Variants in EYS observed in about 807,000 individuals in gnomAD.
EYS encodes the protein EGF-like photoreceptor maintenance factor, also known as protein eyes shut homolog.
A neutral mutation model predicts 282.1 loss-of-function variants in EYS; 250 were observed. The ratio of observed to expected loss-of-function variants is 0.89; its 90% CI spans 0.80 to 0.98. The LOEUF (loss-of-function observed/expected upper bound fraction) is 0.98. Among genes scored for constraint, EYS ranks in the 50% least tolerant of loss-of-function variants. The pLI, the probability that EYS is intolerant of heterozygous loss-of-function variation, is 0.00. For missense variants in EYS, 4,016 were observed against 3,709.0 expected, an observed-to-expected ratio of 1.08 and a Z score of -2.15; for synonymous variants, 1,355 against 1,282.9, an observed-to-expected ratio of 1.06 and a Z score of -1.20.
intron 26 of EYS, among the ~76,000 whole-genome samples, chr6:64,547,069 T>C (rs1475430078): frequency 6.6e-6 from 1 of 152,158 alleles, no homozygotes; most frequent in Admixed American, 6.5e-5. Flanking sequence ...ATTTCTTCCT[T>C]CTGGTGGGTT....
At chr6:65,640,232 C>T (rs1691639678) in intron 1 of EYS, among the ~76,000 whole-genome samples, 1 of 152,052 alleles carries the variant, frequency 6.6e-6, no homozygotes. Context: ...AACCTATGAA[C>T]CCAAATGCCA....
intron 19 of EYS, among the ~76,000 whole-genome samples, chr6:64,875,698 G>T (rs1766728654): frequency 6.6e-6 from 1 of 151,970 alleles, no homozygotes; most frequent in Non-Finnish European, 1.5e-5. Context: ...ATAATTTTTG[G>T]TACCACTGGT....
intron 2 of EYS, among the ~76,000 whole-genome samples, chr6:65,519,318 G>A (rs924205834): frequency 1.3e-5 from 2 of 151,522 alleles, no homozygotes; most frequent in Admixed American, 6.6e-5. Context: ...GGCGGTGGTG[G>A]TGGCAAATTA....
At chr6:65,072,211 T>C (rs919615036) in intron 12 of EYS, among the ~76,000 whole-genome samples, 25 of 151,678 alleles carry the variant, frequency 1.6e-4, no homozygotes, top group African/African-American at 5.1e-4. Flanking sequence ...GGGCTACATA[T>C]TGGGGAGAAA....
intron 2 of EYS, among the ~76,000 whole-genome samples, chr6:65,520,646 A>C (rs1767331311): frequency 6.6e-6 from 1 of 151,896 alleles, no homozygotes; most frequent in African/African-American, 2.4e-5. Context: ...ATATACATAT[A>C]TCAGAGGAAT....
chr6:63,847,504 C>T (rs932226627), intron 36 of EYS, among the ~76,000 whole-genome samples: 3 of 152,072 alleles, frequency 2.0e-5, no homozygotes, highest in Admixed American at 2.0e-4. Context: ...TAATGATAGA[C>T]ATCTGAGAAG....
intron 29 of EYS, among the ~76,000 whole-genome samples, chr6:64,339,979 T>C (rs1771033459): frequency 6.6e-6 from 1 of 151,520 alleles, no homozygotes; most frequent in Non-Finnish European, 1.5e-5. Context: ...TCCACCAAAA[T>C]CTCACAAATC....
chr6:64,012,481 C>T (rs189701021), intron 33 of EYS, among the ~76,000 whole-genome samples: 1 of 152,258 alleles, frequency 6.6e-6, no homozygotes, highest in African/African-American at 2.4e-5. Flanking sequence ...AATCTGATCC[C>T]TACAAAGACT....
chr6:63,914,506 C>G (rs143335686), intron 35 of EYS, among the ~76,000 whole-genome samples: 1 of 152,032 alleles, frequency 6.6e-6, no homozygotes, highest in Non-Finnish European at 1.5e-5. Context: ...GTAAGGAGTT[C>G]GAGATCAGCC....
At chr6:64,453,471 T>G (rs1475084664) in intron 26 of EYS, among the ~76,000 whole-genome samples, 1 of 152,276 alleles carries the variant, frequency 6.6e-6, no homozygotes, top group Admixed American at 6.5e-5. Flanking sequence ...GATCTAGAAC[T>G]GGAAATACCA....
intron 31 of EYS, among the ~76,000 whole-genome samples, chr6:64,223,869 T>A (rs75872380): frequency 0.029 from 4,354 of 152,164 alleles, 67 homozygotes; most frequent in African/African-American, 0.048. Flanking sequence ...TGTGCATGCA[T>A]ACATGTACTT....
chr6:64,554,436 A>G (rs1194669467), intron 26 of EYS, among the ~76,000 whole-genome samples: 1 of 152,076 alleles, frequency 6.6e-6, no homozygotes, highest in Admixed American at 6.5e-5. Flanking sequence ...AGCTTACACT[A>G]AAAATGCTGA....
chr6:64,913,676 G>T (rs1230242160), intron 15 of EYS, among the ~76,000 whole-genome samples: 1 of 152,056 alleles, frequency 6.6e-6, no homozygotes, highest in Non-Finnish European at 1.5e-5. Context: ...AGCTACGTTG[G>T]TTCCATGATT....
At chr6:63,830,355 C>G (rs529772100) in intron 36 of EYS, among the ~76,000 whole-genome samples, 1 of 152,112 alleles carries the variant, frequency 6.6e-6, no homozygotes, top group Non-Finnish European at 1.5e-5. Flanking sequence ...GTAGAATAAA[C>G]AGTGTAAAGA....
At chr6:63,923,308 T>TA (rs1193122253) in intron 35 of EYS, among the ~76,000 whole-genome samples, 2 of 152,176 alleles carry the variant, frequency 1.3e-5, no homozygotes, top group African/African-American at 4.8e-5. Flanking sequence ...ATATGCCATT[T>TA]AAAAAATGTT....
At chr6:65,088,893 T>C (rs948301907) in intron 12 of EYS, among the ~76,000 whole-genome samples, 2 of 152,016 alleles carry the variant, frequency 1.3e-5, no homozygotes, top group African/African-American at 4.8e-5. Flanking sequence ...CAGCTCCAGC[T>C]ATGGCAAAAA....
At chr6:63,912,298 C>A (rs420788) in intron 35 of EYS, among the ~76,000 whole-genome samples, 77,472 of 151,916 alleles carry the variant, frequency 0.51, 21,280 homozygotes, top group Non-Finnish European at 0.61. Context: ...AATTTCTAGG[C>A]CAGGGCTATT....
chr6:63,981,155 T>C (rs562921728), intron 35 of EYS, among the ~76,000 whole-genome samples: 11 of 151,908 alleles, frequency 7.2e-5, no homozygotes, highest in Admixed American at 5.9e-4. Context: ...TATGGTCTCA[T>C]TGGGAGTCTA....
intron 31 of EYS, among the ~76,000 whole-genome samples, chr6:64,085,317 CGCGCGCGT>C (rs1326623956): frequency 1.2e-4 from 16 of 136,032 alleles, no homozygotes; most frequent in East Asian, 6.9e-4. Flanking sequence ...CTTCCAGACG[CGCGCGCGT>C]GCGCACGTGC....
Sources: gnomAD v4.1 joint callset for allele counts (sites outside exome capture counted in the v4.1 genomes callset) on GRCh38, gnomAD v4.1.1 for gene constraint, MANE v1.5 for transcripts, NCBI Gene and HGNC (gene_info 2026-07-23, HGNC 2026-07-21) for gene names.